WWOX: variants seen among roughly 807,000 people sequenced by gnomAD.
WWOX encodes the protein WW domain containing oxidoreductase, also known as WW domain-containing oxidoreductase.
Under a neutral mutation model 46.2 loss-of-function variants are expected in WWOX, and 69 were observed. The ratio of observed to expected loss-of-function variants is 1.49; its 90% CI spans 1.23 to 1.82. The LOEUF (loss-of-function observed/expected upper bound fraction) is 1.82. WWOX is among the 40% of genes most tolerant of loss of function. The pLI is 0.00. For missense variants in WWOX, 919 were observed against 542.6 expected (o/e 1.69, Z -6.89); for synonymous variants, 359 against 202.6 (o/e 1.77, Z -6.56).
intron 8 of WWOX, among the ~76,000 whole-genome samples, chr16:78,771,293 T>C (rs1778788181): frequency 2.6e-5 from 4 of 152,114 alleles, no homozygotes; most frequent in Admixed American, 2.6e-4. Flanking sequence ...GGTATCCAGT[T>C]AGGAAGCTAT....
intron 5 of WWOX, among the ~76,000 whole-genome samples, chr16:78,254,206 A>G (rs1597405522): frequency 6.6e-6 from 1 of 151,752 alleles, no homozygotes; most frequent in East Asian, 2.0e-4. Context: ...GACTACAGGT[A>G]TTCACCACCA....
At chr16:78,531,421 G>C (rs1270062865) in intron 8 of WWOX, among the ~76,000 whole-genome samples, 1 of 152,206 alleles carries the variant, frequency 6.6e-6, no homozygotes, top group African/African-American at 2.4e-5. Flanking sequence ...CAATTGGACA[G>C]TAAGGATGTG....
chr16:78,750,842 G>C (rs2049459824), intron 8 of WWOX, among the ~76,000 whole-genome samples: 1 of 152,132 alleles, frequency 6.6e-6, no homozygotes, highest in African/African-American at 2.4e-5. Context: ...TTTTATGGCT[G>C]TGTAGTATTT....
At chr16:78,765,807 C>G (rs181744494) in intron 8 of WWOX, among the ~76,000 whole-genome samples, 363 of 152,290 alleles carry the variant, frequency 2.4e-3, no homozygotes, top group African/African-American at 7.7e-3. Context: ...GAGAACTCAT[C>G]GCACTATTTC....
At chr16:78,860,345 C>T (rs2052686655) in intron 8 of WWOX, among the ~76,000 whole-genome samples, 3 of 152,078 alleles carry the variant, frequency 2.0e-5, no homozygotes, top group Non-Finnish European at 4.4e-5. Context: ...ACACTTGGCC[C>T]CCTTTGGATA....
At chr16:78,773,320 C>G (rs1293642686) in intron 8 of WWOX, among the ~76,000 whole-genome samples, 1 of 152,178 alleles carries the variant, frequency 6.6e-6, no homozygotes, top group Non-Finnish European at 1.5e-5. Context: ...CAGTCATTAG[C>G]ACTCCCTATC....
At chr16:78,535,524 G>A (rs918233553) in intron 8 of WWOX, 2 of 152,186 alleles carry the variant, frequency 1.3e-5, no homozygotes, top group Admixed American at 6.5e-5. Flanking sequence ...TAGAGGGAAA[G>A]GGGACGACAG....
At chr16:78,256,281 AT>A (rs1213312305) in intron 5 of WWOX, among the ~76,000 whole-genome samples, 1 of 151,916 alleles carries the variant, frequency 6.6e-6, no homozygotes, top group Non-Finnish European at 1.5e-5. Flanking sequence ...TCTCTCCTAA[AT>A]GAGGAGAACC....
intron 8 of WWOX, among the ~76,000 whole-genome samples, chr16:79,029,097 C>T (rs1397176765): frequency 6.6e-6 from 1 of 152,112 alleles, no homozygotes; most frequent in Non-Finnish European, 1.5e-5. Context: ...GGCAAACAGG[C>T]CAGCTGAGGT....
At chr16:78,360,127 A>G (rs1361044089) in intron 5 of WWOX, among the ~76,000 whole-genome samples, 2 of 152,230 alleles carry the variant, frequency 1.3e-5, no homozygotes, top group African/African-American at 4.8e-5. Flanking sequence ...GACAAAAATC[A>G]ACAAAAACTA....
chr16:78,672,687 T>A (rs2047495535), intron 8 of WWOX, among the ~76,000 whole-genome samples: 1 of 152,176 alleles, frequency 6.6e-6, no homozygotes, highest in Non-Finnish European at 1.5e-5. Flanking sequence ...GATGAAATTT[T>A]AAAAACGGGA....
At chr16:78,943,017 G>C (rs9930944) in intron 8 of WWOX, among the ~76,000 whole-genome samples, 8,776 of 152,186 alleles carry the variant, frequency 0.058, 717 homozygotes, top group East Asian at 0.18. Context: ...GCCTTTCTGC[G>C]TTTATTTTTG....
intron 8 of WWOX, among the ~76,000 whole-genome samples, chr16:78,782,662 A>G (rs764643071): frequency 1.4e-5 from 2 of 141,378 alleles, no homozygotes; most frequent in African/African-American, 5.2e-5. Context: ...TTTCTTTTCT[A>G]TATCTTTTTT....
Position 79,151,952 on chromosome 16 carries a change from C to T in WWOX, c.1057-59656C>T, listed in dbSNP as rs554151867. ...GTAAATAGCCGAGGATATCTGGGCTCTGAGTCTTTAAAAGGCAACAGAAAG... is the reference window on the plus strand; with the variant it reads ...GTAAATAGCCGAGGATATCTGGGCTTTGAGTCTTTAAAAGGCAACAGAAAG... On this transcript the variant is annotated intron_variant, in intron 8 of 8. Transcript: ENST00000566780. Among the ~76,000 whole-genome samples the T allele has an allele frequency of 2.6e-5, 4 of 152,280 alleles. No individual in the cohort carries two copies. In the East Asian group the frequency reaches 5.8e-4, roughly 22 times the overall value.
intron 8 of WWOX, among the ~76,000 whole-genome samples, chr16:78,800,015 A>G (rs1332022739): frequency 6.6e-6 from 1 of 152,074 alleles, no homozygotes; most frequent in Non-Finnish European, 1.5e-5. Context: ...CTCCTTCCCC[A>G]TTAAAATGGG....
At chr16:79,043,285 G>C (rs1322231525) in intron 8 of WWOX, among the ~76,000 whole-genome samples, 2 of 144,722 alleles carry the variant, frequency 1.4e-5, no homozygotes, top group African/African-American at 5.1e-5. Flanking sequence ...ACCTCTACCA[G>C]ATGAATAGAG....
chr16:78,925,691 T>G (rs986613003), intron 8 of WWOX, among the ~76,000 whole-genome samples: 5 of 152,212 alleles, frequency 3.3e-5, no homozygotes, highest in African/African-American at 1.2e-4. Flanking sequence ...TTGCCAAGAT[T>G]TGAGAAGGGA....
chr16:78,640,601 C>G (rs1266419262), intron 8 of WWOX, among the ~76,000 whole-genome samples: 2 of 152,062 alleles, frequency 1.3e-5, no homozygotes, highest in African/African-American at 2.4e-5. Context: ...ATGTAACAAA[C>G]CTACACATCC....
chr16:79,087,393 C>T (rs764049310), intron 8 of WWOX, among the ~76,000 whole-genome samples: 35 of 152,270 alleles, frequency 2.3e-4, no homozygotes, highest in Admixed American at 8.5e-4. Flanking sequence ...TGCTTATCTC[C>T]GTAGACACCA....
Sources: allele counts gnomAD v4.1 joint callset (sites outside exome capture counted in the v4.1 genomes callset), GRCh38; gene constraint gnomAD v4.1.1; transcripts MANE v1.5; gene names NCBI Gene and HGNC (gene_info 2026-07-23, HGNC 2026-07-21).